The following ABCC8 variants were observed in gnomAD, a reference collection of about 807,000 sequenced individuals.
ABCC8 encodes the protein ATP-binding cassette sub-family C member 8.
Under a neutral mutation model 188.0 loss-of-function variants are expected in ABCC8, and 137 were observed. That is an observed-to-expected ratio of 0.73 (90% CI 0.63 to 0.84). ABCC8 has a LOEUF of 0.84. Ranked by LOEUF, ABCC8 falls within the 40% of genes least tolerant of loss-of-function variation. The probability of loss-of-function intolerance (pLI) is 0.00; values close to 1 mark genes in which losing one functional copy is unlikely to be tolerated. For synonymous variants in ABCC8, 797 were observed against 846.5 expected (o/e 0.94, Z 1.01); for missense variants, 1,750 against 2,072.7 (o/e 0.84, Z 3.02).
chr11:17,397,483 A>C, intron 31 of ABCC8, 170 bp from the exon 32 acceptor site: 1 of 1,452,778 alleles, frequency 6.9e-7, no homozygotes, highest in Non-Finnish European at 9.3e-7. Context: ...AGGGTCAGTC[A>C]TGTGGCTCCC....
Position 17,416,978 on chromosome 11 carries a change from T to C in ABCC8, c.2223-16A>G, listed in dbSNP as rs1955110082. The C allele has an allele frequency of 4.4e-6, 7 of 1,599,216 alleles. No individual in the cohort carries two copies. The highest frequency in any genetic ancestry group is 6.0e-6 in the Non-Finnish European group (7 of 1,170,972). On this transcript the variant is annotated splice_polypyrimidine_tract_variant and intron_variant, in intron 16 of 38. Coordinates refer to ENST00000389817, the MANE Select transcript of ABCC8 (RefSeq NM_000352.6). ...GTCAGGAAGGCTGCTGGGACACAAA[T>C]GGGACAGACCAACACCAGTTAGTTC...
intron 4 of ABCC8, 100 bp downstream of exon 4, chr11:17,463,338 T>A: frequency 2.9e-6 from 3 of 1,041,420 alleles, no homozygotes; most frequent in South Asian, 2.8e-5. Context: ...TGATCCCTTC[T>A]CAGTTTGGCT....
At position 17,427,263 on chromosome 11, in the gene ABCC8, T is replaced by C. The variant is rs1049793978; in HGVS notation, c.2117-109A>G. The C allele has an allele frequency of 2.9e-6, 4 of 1,378,174 alleles. No individual in the cohort carries two copies. The highest frequency in any genetic ancestry group is 3.2e-5 in the Admixed American group (1 of 31,592). 85.4% of individuals were successfully genotyped at this position (1,378,174 alleles called of 1,614,324 possible). ...ACCCAACCCTGGGGCCCCTGTTTTCTTTCTTCCTACCTAGAATCCCCAGCA... is the reference window on the plus strand; with the variant it reads ...ACCCAACCCTGGGGCCCCTGTTTTCCTTCTTCCTACCTAGAATCCCCAGCA... On this transcript the variant is annotated intron_variant, in intron 15 of 38. Coordinates refer to ENST00000389817, the MANE Select transcript of ABCC8 (RefSeq NM_000352.6). This position sits in a 1 kb window ranked among gnomAD's most constrained non-coding sequence, Gnocchi z 5.0.
intron 11 of ABCC8, 21 bp downstream of exon 11, chr11:17,432,183 A>T: frequency 1.3e-6 from 2 of 1,552,138 alleles, no homozygotes; most frequent in Non-Finnish European, 1.7e-6. Flanking sequence ...CCCCCAAGAG[A>T]TGGAGAAAGG....
chr11:17,462,251 G>A (rs748199685), intron 4 of ABCC8, among the ~76,000 whole-genome samples: 2 of 152,164 alleles, frequency 1.3e-5, no homozygotes, highest in Non-Finnish European at 2.9e-5. Flanking sequence ...CATCTAAAAT[G>A]TTTCCTCATC....
intron 8 of ABCC8, among the ~76,000 whole-genome samples, chr11:17,444,047 C>T (rs951934582): frequency 6.6e-6 from 1 of 151,706 alleles, no homozygotes; most frequent in Non-Finnish European, 1.5e-5. Context: ...GAAAGGACTG[C>T]TTGCCTTGGT....
Position 17,397,763 on chromosome 11 carries a change from G to C in ABCC8, c.3788C>G (p.Ala1263Gly). 6.2e-7 allele frequency: 1 copy of C among 1,613,776 alleles called. No individual in the cohort carries two copies. Among genetic ancestry groups the C allele is most frequent in the Non-Finnish European group, 8.5e-7 (1 of 1,179,988 alleles). Residue 1263 changes from alanine to glycine, a missense_variant, in exon 31 of 39, where the codon GCG becomes GGG. Transcript: ENST00000389817. Reference sequence around the variant, plus strand: ...CAGGGAGTTGGAGATGGAGGTCACCGCTGCGATGAGCACCACACATGCACC... The same window carrying C: ...CAGGGAGTTGGAGATGGAGGTCACCCCTGCGATGAGCACCACACATGCACC... ...YIGACVVLIAAVTSISNSLHR... is the reference protein window; with the variant it reads ...YIGACVVLIAGVTSISNSLHR...
In ABCC8 at chr11:17,399,301, A is replaced by AAAACAAAC. The variant is rs1564882072; in HGVS notation, c.3651-861_3651-860insGTTTGTTT. ...AAAAAAAAAAAAAAAAAAAAAAAAAAAAACAAATAAAAAAGAATATTAATG... is the reference window on the plus strand; with the variant it reads ...AAAAAAAAAAAAAAAAAAAAAAAAAAAAACAAACAAACAAATAAAAAAGAATATTAATG... On this transcript the variant is annotated intron_variant, in intron 29 of 38. Coordinates refer to ENST00000389817, the MANE Select transcript of ABCC8 (RefSeq NM_000352.6). Among the ~76,000 whole-genome samples the AAAACAAAC allele has an allele frequency of 1.5e-5, 2 of 136,278 alleles. 1 individual carries two copies. Among genetic ancestry groups the AAAACAAAC allele is most frequent in the Admixed American group, 1.6e-4 (2 of 12,470 alleles). 89.4% of individuals were successfully genotyped at this position (136,278 alleles called of 152,430 possible). A position where few individuals can be genotyped will look rare whatever the true frequency, so the allele number is the denominator to read the frequency against.
chr11:17,417,082 G>C lies in ABCC8; in HGVS notation c.2223-120C>G. The stretch of plus-strand genomic sequence containing the variant: ...CTCCAACCCTCCCACCCATTCCCAG[G>C]GTTTCCAAATGGCCTCTGTGGGGTC... On this transcript the variant is annotated intron_variant, in intron 16 of 38. Coordinates refer to ENST00000389817, the MANE Select transcript of ABCC8 (RefSeq NM_000352.6). 3 of 1,563,912 alleles carry C rather than the reference G, an allele frequency of 1.9e-6. No individual in the cohort carries two copies. In the South Asian group the frequency reaches 3.5e-5, roughly 18 times the overall value.
At chr11:17,393,574 G>C (rs559255906) in intron 38 of ABCC8, 123 bp downstream of exon 38, 1 of 1,479,564 alleles carries the variant, frequency 6.8e-7, no homozygotes, top group Non-Finnish European at 9.4e-7. Context: ...TGAACTGCCT[G>C]CTTCAGGGTT....
chr11:17,414,663 G>A, intron 18 of ABCC8, 53 bp from the exon 19 acceptor site: 2 of 1,609,968 alleles, frequency 1.2e-6, no homozygotes, highest in South Asian at 2.2e-5. Flanking sequence ...TCAGGGGCTT[G>A]TTCTCAGAGG....
chr11:17,407,930 T>G (rs566339473), intron 23 of ABCC8, among the ~76,000 whole-genome samples: 1 of 152,092 alleles, frequency 6.6e-6, no homozygotes, highest in South Asian at 2.1e-4. Context: ...ACTGATACCA[T>G]GAGAATGGAG....
chr11:17,433,772 G>A (rs888827347), intron 10 of ABCC8, among the ~76,000 whole-genome samples: 4 of 152,206 alleles, frequency 2.6e-5, no homozygotes, highest in Non-Finnish European at 5.9e-5. Context: ...AGGATGTATG[G>A]CTGGAGCCCT....
intron 3 of ABCC8, among the ~76,000 whole-genome samples, chr11:17,464,899 C>T (rs1487022717): frequency 1.3e-5 from 2 of 152,232 alleles, no homozygotes; most frequent in Non-Finnish European, 2.9e-5. Flanking sequence ...GGGAGAGAGA[C>T]TTTCACCCTG....
chr11:17,408,287 G>C (rs1954636579), intron 23 of ABCC8, 105 bp downstream of exon 23: 1 of 1,137,462 alleles, frequency 8.8e-7, no homozygotes, highest in Non-Finnish European at 1.3e-6. Context: ...TGCCCTTTAG[G>C]GGGCTTCCTG....
At chr11:17,412,211 A>T (rs1954845244) in intron 21 of ABCC8, among the ~76,000 whole-genome samples, 1 of 152,102 alleles carries the variant, frequency 6.6e-6, no homozygotes, top group African/African-American at 2.4e-5. Context: ...CTCATGTTTG[A>T]TGGCTAGTGG....
chr11:17,444,825 T>C (rs944651257), intron 8 of ABCC8, among the ~76,000 whole-genome samples: 2 of 152,336 alleles, frequency 1.3e-5, no homozygotes, highest in Admixed American at 1.3e-4. Context: ...TTAACCTCTC[T>C]GGTTTTCAGC....
chr11:17,423,185 C>T (rs919217281), intron 16 of ABCC8, among the ~76,000 whole-genome samples: 21 of 151,648 alleles, frequency 1.4e-4, no homozygotes, highest in Non-Finnish European at 2.5e-4. Context: ...AGTGAAACCC[C>T]GTCTCTACTA....
In ABCC8 at chr11:17,427,864, T is replaced by C. The variant is rs759275346; in HGVS notation, c.2116+3A>G. 9.9e-6 allele frequency: 16 copies of C among 1,614,022 alleles called. No individual in the cohort carries two copies. The highest frequency in any genetic ancestry group is 1.4e-5 in the Non-Finnish European group (16 of 1,179,968). The stretch of plus-strand genomic sequence containing the variant: ...CATGCTGGAGGGGTGGACTGGGCCA[T>C]ACCTCGGGGGATACGAATGGTGATG... On this transcript the variant is annotated splice_donor_region_variant and intron_variant, in intron 15 of 38. Transcript: ENST00000389817. The surrounding 1 kb of genome is among the most constrained non-coding windows in gnomAD (Gnocchi z 5.0).
Sources: gnomAD v4.1 joint callset for allele counts (sites outside exome capture counted in the v4.1 genomes callset) on GRCh38, gnomAD v4.1.1 for gene constraint, Gnocchi (gnomAD v3.1) non-coding constraint, MANE v1.5 for transcripts, NCBI Gene and HGNC (gene_info 2026-07-23, HGNC 2026-07-21) for gene names.